The following ENOX1 variants were observed in gnomAD, a reference collection of about 807,000 sequenced individuals.
The protein encoded by ENOX1 is candidate growth-related and time keeping constitutive hydroquinone (NADH) oxidase.
In ENOX1, 42 loss-of-function variants were observed where a neutral mutation model predicts 82.5. The ratio of observed to expected loss-of-function variants is 0.51; its 90% CI spans 0.40 to 0.66. ENOX1 has a LOEUF of 0.66. Among genes scored for constraint, ENOX1 ranks in the 30% least tolerant of loss-of-function variants. The pLI is 0.00. For synonymous variants in ENOX1, 271 were observed against 282.2 expected (o/e 0.96, Z 0.40); for missense variants, 608 against 811.6 (o/e 0.75, Z 3.05).
Position 43,747,320 on chromosome 13 carries a change from G to T in ENOX1, c.-285+39332C>A, listed in dbSNP as rs117123514. On this transcript the variant is annotated intron_variant, in intron 1 of 16. Transcript: ENST00000690772. ...TATTATTATTGTGCACAAAAAGAAG[G>T]TATGGAAAAGGGTAGTATTCTAGTG... Among the ~76,000 whole-genome samples, 257 of 152,282 alleles carry T rather than the reference G, an allele frequency of 1.7e-3. 1 individual carries two copies. The highest frequency in any genetic ancestry group is 0.014 in the East Asian group (73 of 5,180).
At chr13:43,453,316 G>A (rs1395777483) in intron 3 of ENOX1, among the ~76,000 whole-genome samples, 1 of 152,118 alleles carries the variant, frequency 6.6e-6, no homozygotes, top group Non-Finnish European at 1.5e-5. Context: ...AACTTTTAGG[G>A]AGCAGTACCT....
At chr13:43,531,872 A>G (rs1333799976) in intron 2 of ENOX1, among the ~76,000 whole-genome samples, 1 of 149,538 alleles carries the variant, frequency 6.7e-6, no homozygotes, top group Admixed American at 6.7e-5. Context: ...GGAATTGAAC[A>G]ATGAGAACAC....
chr13:43,298,615 C>A, intron 11 of ENOX1, 85 bp from the exon 12 acceptor site: 2 of 1,300,604 alleles, frequency 1.5e-6, no homozygotes, highest in Admixed American at 2.4e-5. Context: ...AGTCTGTCAC[C>A]CAAGTTCTTA....
chr13:43,455,926 G>A (rs2057204907), intron 3 of ENOX1, among the ~76,000 whole-genome samples: 1 of 152,198 alleles, frequency 6.6e-6, no homozygotes, highest in Admixed American at 6.5e-5. Context: ...GAAACTGTGA[G>A]TCCATTAAAC....
chr13:43,224,146 A>T lies in ENOX1; in HGVS notation c.1715-8T>A, dbSNP rs1250098810. On this transcript the variant is annotated splice_polypyrimidine_tract_variant and splice_region_variant and intron_variant, in intron 15 of 16. Coordinates refer to ENST00000690772, the MANE Select transcript of ENOX1 (RefSeq NM_001347969.2). Reference sequence around the variant, plus strand: ...GAAACGTTGATATGATACCTGAATTAAAAAGGCAAACATTGGAAATTATTC... The same window carrying T: ...GAAACGTTGATATGATACCTGAATTTAAAAGGCAAACATTGGAAATTATTC... The T allele has an allele frequency of 1.9e-5, 30 of 1,608,010 alleles. No individual in the cohort carries two copies. The highest frequency in any genetic ancestry group is 2.5e-5 in the Non-Finnish European group (29 of 1,174,642).
intron 2 of ENOX1, chr13:43,544,362 C>G (rs1389719021): frequency 6.6e-6 from 1 of 152,054 alleles, no homozygotes; most frequent in Non-Finnish European, 1.5e-5. Flanking sequence ...AAGTGCCTGA[C>G]CAAAGTTAGG....
At chr13:43,773,348 A>T (rs1044330880) in intron 1 of ENOX1, among the ~76,000 whole-genome samples, 1 of 151,960 alleles carries the variant, frequency 6.6e-6, no homozygotes, top group South Asian at 2.1e-4. Context: ...ATTTCACCTC[A>T]TTTTTTTTAC....
intron 9 of ENOX1, among the ~76,000 whole-genome samples, chr13:43,335,768 C>CAAA (rs386378967): frequency 0.21 from 24,578 of 116,506 alleles, 3,004 homozygotes; most frequent in East Asian, 0.56. Flanking sequence ...GGAAGGATAC[C>CAAA]AAAAAAAAAA....
intron 2 of ENOX1, among the ~76,000 whole-genome samples, chr13:43,656,634 T>C (rs1226295395): frequency 1.3e-5 from 2 of 152,170 alleles, no homozygotes; most frequent in Admixed American, 1.3e-4. Context: ...GGACATACTA[T>C]AGGACTAAAA....
chr13:43,744,760 CA>C (rs1434923872), intron 1 of ENOX1, among the ~76,000 whole-genome samples: 7 of 152,114 alleles, frequency 4.6e-5, no homozygotes, highest in Non-Finnish European at 1.0e-4. Flanking sequence ...TACATCTTGC[CA>C]ACAGTACTAT....
chr13:43,606,835 G>A (rs1025311883), intron 2 of ENOX1, among the ~76,000 whole-genome samples: 3 of 151,910 alleles, frequency 2.0e-5, no homozygotes, highest in Admixed American at 6.6e-5. Context: ...GGCCACATGG[G>A]AAAACCCCAT....
chr13:43,623,721 G>A (rs2082847453), intron 2 of ENOX1, among the ~76,000 whole-genome samples: 2 of 152,166 alleles, frequency 1.3e-5, no homozygotes, highest in African/African-American at 4.8e-5. Flanking sequence ...GTCCAGAGAT[G>A]CAATCTAGTC....
At chr13:43,476,461 G>T (rs1165607846) in intron 3 of ENOX1, among the ~76,000 whole-genome samples, 1 of 152,042 alleles carries the variant, frequency 6.6e-6, no homozygotes, top group Non-Finnish European at 1.5e-5. Context: ...AAGAGAAAAG[G>T]CCTCAAAAAC....
intron 16 of ENOX1, among the ~76,000 whole-genome samples, chr13:43,215,922 C>T (rs1426773719): frequency 2.6e-5 from 4 of 152,150 alleles, no homozygotes; most frequent in African/African-American, 9.7e-5. Flanking sequence ...TTAGGCCGGG[C>T]GTTGTAGCTC....
intron 16 of ENOX1, among the ~76,000 whole-genome samples, chr13:43,222,652 T>C (rs893476116): frequency 2.0e-5 from 3 of 152,042 alleles, no homozygotes; most frequent in Non-Finnish European, 4.4e-5. Context: ...TCTTGAGGGG[T>C]TATTCTTTGC....
intron 1 of ENOX1, among the ~76,000 whole-genome samples, chr13:43,751,153 A>G (rs1287258574): frequency 1.3e-5 from 2 of 152,190 alleles, no homozygotes; most frequent in Non-Finnish European, 2.9e-5. Context: ...CTTACTGGCA[A>G]TATCTCTGCA....
chr13:43,369,189 A>C (rs938159234), intron 5 of ENOX1, among the ~76,000 whole-genome samples: 1 of 152,212 alleles, frequency 6.6e-6, no homozygotes, highest in African/African-American at 2.4e-5. Flanking sequence ...AAATCCATAA[A>C]GAAAGCACAC....
intron 2 of ENOX1, among the ~76,000 whole-genome samples, chr13:43,657,555 G>A (rs1369529520): frequency 1.3e-5 from 2 of 152,178 alleles, no homozygotes; most frequent in Non-Finnish European, 2.9e-5. Flanking sequence ...ATGTCAACAG[G>A]CTGCTGCAGA....
chr13:43,460,833 G>C (rs868282857), intron 3 of ENOX1, among the ~76,000 whole-genome samples: 1 of 93,800 alleles, frequency 1.1e-5, no homozygotes, highest in Non-Finnish European at 2.2e-5. Context: ...AAAAAAAATA[G>C]GGATAGCTCT....
Sources: gnomAD v4.1 joint callset for allele counts (sites outside exome capture counted in the v4.1 genomes callset) on GRCh38, gnomAD v4.1.1 for gene constraint, MANE v1.5 for transcripts, NCBI Gene and HGNC (gene_info 2026-07-23, HGNC 2026-07-21) for gene names.